The following XPNPEP3 variants were observed in gnomAD, a reference collection of about 807,000 sequenced individuals.
The protein encoded by XPNPEP3 is X-prolyl aminopeptidase 3.
Under a neutral mutation model 60.0 loss-of-function variants are expected in XPNPEP3, and 41 were observed. The observed-to-expected ratio is 0.68, with a 90% CI of 0.53 to 0.89. XPNPEP3 has a LOEUF of 0.89. XPNPEP3 is among the 40% of genes least tolerant of loss of function. The probability of loss-of-function intolerance (pLI) is 0.00; values close to 1 mark genes in which losing one functional copy is unlikely to be tolerated. For synonymous variants in XPNPEP3, 212 were observed against 223.2 expected, an observed-to-expected ratio of 0.95 and a Z score of 0.45; for missense variants, 598 against 638.9, an observed-to-expected ratio of 0.94 and a Z score of 0.69.
chr22:40,890,896 A>T (rs2058085830), intron 4 of XPNPEP3, among the ~76,000 whole-genome samples: 1 of 151,970 alleles, frequency 6.6e-6, no homozygotes, highest in Non-Finnish European at 1.5e-5. Context: ...TAGAAGACAA[A>T]ATCGTGGTGT....
intron 6 of XPNPEP3, among the ~76,000 whole-genome samples, chr22:40,910,151 C>A (rs900986523): frequency 2.0e-5 from 3 of 150,716 alleles, no homozygotes; most frequent in Non-Finnish European, 3.0e-5. Context: ...AAAATAAAAA[C>A]GAATACCCAT....
rs750476396 is a variant in XPNPEP3, at chr22:40,869,055, A to T, written c.121A>T (p.Ile41Phe). The change falls in exon 2 of 10, where the codon ATT becomes TTT. Residue 41 changes from isoleucine to phenylalanine, a missense_variant. By Grantham distance (21) the Ile-to-Phe change is conservative. Coordinates refer to ENST00000357137, the MANE Select transcript of XPNPEP3 (RefSeq NM_022098.4). The part of the protein sequence containing the change: ...YSLQPVPERR[I>F]PNRYLGQPSP... ...CCTTCAGCCTGTCCCAGAAAGGAGG[A>T]TTCCAAACCGATACTTAGGCCAGCC... 1 of 1,613,926 alleles carries T rather than the reference A, an allele frequency of 6.2e-7. No homozygotes were observed. Among genetic ancestry groups the T allele is most frequent in the African/African-American group, 1.3e-5 (1 of 74,880 alleles).
At position 40,857,205 on chromosome 22, in the gene XPNPEP3, C is replaced by A. The variant is rs774708829; in HGVS notation, c.24C>A (p.Pro8=). 1 of 1,614,238 alleles carries A rather than the reference C, an allele frequency of 6.2e-7. No homozygotes were observed. Among genetic ancestry groups the A allele is most frequent in the East Asian group, 2.2e-5 (1 of 44,880 alleles). Residue 8 remains proline, a synonymous_variant, in exon 1 of 10, where the codon CCC becomes CCA. Transcript: ENST00000357137. ...TAATGCCTTGGCTGCTCTCAGCCCC[C>A]AAGCTGGTTCCCGCTGTAGCAAACG... MPWLLSA[P]KLVPAVANVR... is the part of the protein sequence containing the mutation.
Position 40,931,710 on chromosome 22 carries a change from A to G in XPNPEP3, c.*5275A>G, listed in dbSNP as rs1468624744. On this transcript the variant is annotated 3_prime_UTR_variant, in exon 10 of 10. Coordinates refer to ENST00000357137, the MANE Select transcript of XPNPEP3 (RefSeq NM_022098.4). The stretch of plus-strand genomic sequence containing the variant: ...GGCAACAGAGAAAGACCCTGTCTCA[A>G]TAAAAAAGAAGAGAAAAACTGGAGT... 1 of 152,150 alleles carries G rather than the reference A, an allele frequency of 6.6e-6. No homozygotes were observed. The highest frequency in any genetic ancestry group is 1.5e-5 in the Non-Finnish European group (1 of 68,052). 9.4% of individuals were successfully genotyped at this position (152,150 alleles called of 1,614,324 possible).
intron 4 of XPNPEP3, among the ~76,000 whole-genome samples, chr22:40,891,005 A>G (rs1006179782): frequency 3.3e-5 from 5 of 152,002 alleles, no homozygotes; most frequent in Admixed American, 1.3e-4. Context: ...TGCTCTTTCA[A>G]AATTCAAAAC....
intron 2 of XPNPEP3, among the ~76,000 whole-genome samples, chr22:40,877,191 A>C (rs574363697): frequency 1.3e-5 from 2 of 152,088 alleles, no homozygotes; most frequent in African/African-American, 4.8e-5. Flanking sequence ...AGTATTTTTT[A>C]TTCAGTCATT....
intron 1 of XPNPEP3, among the ~76,000 whole-genome samples, chr22:40,862,943 A>G (rs189176265): frequency 2.6e-5 from 4 of 152,372 alleles, no homozygotes; most frequent in Non-Finnish European, 5.9e-5. Context: ...CTCCAAAAAA[A>G]ATAGCAATGT....
chr22:40,931,531 T>G lies in XPNPEP3; in HGVS notation c.*5096T>G, dbSNP rs886057543. The G allele has an allele frequency of 1.3e-5, 2 of 152,098 alleles. No individual in the cohort carries two copies. The highest frequency in any genetic ancestry group is 2.1e-4 in the South Asian group (1 of 4,822). 9.4% of individuals were successfully genotyped at this position (152,098 alleles called of 1,614,324 possible). The stretch of plus-strand genomic sequence containing the variant: ...GAGTTTGAGACCAGCCTAGGCAACA[T>G]AGAGAGACCTTGTCTCAACAAAAAA... On this transcript the variant is annotated 3_prime_UTR_variant, in exon 10 of 10. Transcript: ENST00000357137.
At chr22:40,869,439 T>C (rs2057994700) in intron 2 of XPNPEP3, among the ~76,000 whole-genome samples, 1 of 152,252 alleles carries the variant, frequency 6.6e-6, no homozygotes, top group Middle Eastern at 3.2e-3. Context: ...TTTCAGGATG[T>C]TTTTAAAGCA....
In XPNPEP3 at chr22:40,860,596, C is replaced by T. The variant is rs964912439; in HGVS notation, c.64+3351C>T. ...TTTAATTAGAAAAAAGAAAAATAGG[C>T]TATAAACTCTACTAAAGAAAAATTC... On this transcript the variant is annotated intron_variant, in intron 1 of 9. Transcript: ENST00000357137. 5.7e-6 allele frequency: 7 copies of T among 1,229,926 alleles called. No homozygotes were observed. In the African/African-American group the frequency reaches 1.1e-4, roughly 19 times the overall value. 76.2% of individuals were successfully genotyped at this position (1,229,926 alleles called of 1,614,324 possible). A position where few individuals can be genotyped will look rare whatever the true frequency, so the allele number is the denominator to read the frequency against.
chr22:40,869,330 C>T (rs956789172), intron 2 of XPNPEP3, among the ~76,000 whole-genome samples: 1 of 152,034 alleles, frequency 6.6e-6, no homozygotes, highest in African/African-American at 2.4e-5. Flanking sequence ...TTAAGCTTAA[C>T]TACATGTGGG....
chr22:40,880,581 A>G (rs1320386124), intron 2 of XPNPEP3, among the ~76,000 whole-genome samples: 1 of 151,530 alleles, frequency 6.6e-6, no homozygotes, highest in African/African-American at 2.4e-5. Context: ...GGAAAGAGGG[A>G]AAAACATTTA....
intron 1 of XPNPEP3, among the ~76,000 whole-genome samples, chr22:40,864,540 G>A (rs1471825431): frequency 1.3e-5 from 2 of 152,088 alleles, no homozygotes; most frequent in Non-Finnish European, 2.9e-5. Context: ...CTACCTCCCG[G>A]GTTCAAGCCA....
At position 40,858,415 on chromosome 22, in the gene XPNPEP3, C is replaced by T. The variant is rs868123401; in HGVS notation, c.64+1170C>T. Among the ~76,000 whole-genome samples, 12 of 152,094 alleles carry T rather than the reference C, an allele frequency of 7.9e-5. No individual in the cohort carries two copies. The Middle Eastern group carries it at 0.01, about 129-fold the overall frequency. On this transcript the variant is annotated intron_variant, in intron 1 of 9. Transcript: ENST00000357137. ...TTTTATTTGAAAGGCTCTCCCCAGC[C>T]TGACTAAAGGAGCCATACTACCAGA...
intron 6 of XPNPEP3, among the ~76,000 whole-genome samples, chr22:40,910,020 A>G (rs2058171436): frequency 6.6e-6 from 1 of 151,978 alleles, no homozygotes; most frequent in South Asian, 2.1e-4. Context: ...TGACTATACA[A>G]GGAAGGAATT....
intron 4 of XPNPEP3, among the ~76,000 whole-genome samples, chr22:40,905,599 G>T (rs2058151668): frequency 6.6e-6 from 1 of 152,092 alleles, no homozygotes; most frequent in Non-Finnish European, 1.5e-5. Flanking sequence ...CAGTGAAGGG[G>T]GATGAAATGT....
intron 2 of XPNPEP3, 72 bp from the exon 3 acceptor site, chr22:40,881,698 C>A (rs2058048650): frequency 1.3e-6 from 2 of 1,537,272 alleles, no homozygotes; most frequent in African/African-American, 1.4e-5. Context: ...GTATTTCCAT[C>A]TAATATTAAA....
chr22:40,907,608 A>G lies in XPNPEP3; in HGVS notation c.814A>G (p.Thr272Ala), dbSNP rs2146269821. The change falls in exon 5 of 10, where the codon ACC (threonine) becomes GCC (alanine). Residue 272 changes from threonine to alanine, a missense_variant. Transcript: ENST00000357137. Reference protein sequence around the residue: ...TSQAFIETMFTSKAPVEEAFL... With the variant: ...TSQAFIETMFASKAPVEEAFL... Reference sequence around the variant, plus strand: ...GCAGGCTTTCATAGAAACCATGTTCACCAGTAAAGCCCCTGTGGAAGAAGC... The same window carrying G: ...GCAGGCTTTCATAGAAACCATGTTCGCCAGTAAAGCCCCTGTGGAAGAAGC... 1 of 1,614,046 alleles carries G rather than the reference A, an allele frequency of 6.2e-7. No individual in the cohort carries two copies. The highest frequency in any genetic ancestry group is 2.2e-5 in the East Asian group (1 of 44,860).
intron 9 of XPNPEP3, among the ~76,000 whole-genome samples, chr22:40,925,336 G>A (rs900909056): frequency 6.6e-6 from 1 of 152,228 alleles, no homozygotes; most frequent in African/African-American, 2.4e-5. Context: ...TGTTGTCAGA[G>A]TTGATGGTTA....
Sources: gnomAD v4.1 joint callset for allele counts (sites outside exome capture counted in the v4.1 genomes callset) on GRCh38, gnomAD v4.1.1 for gene constraint, MANE v1.5 for transcripts, NCBI Gene and HGNC (gene_info 2026-07-23, HGNC 2026-07-21) for gene names.